The following RELN variants were observed in gnomAD, a reference collection of about 807,000 sequenced individuals.
The protein encoded by RELN is reelin.
A neutral mutation model predicts 427.6 loss-of-function variants in RELN; 108 were observed. That is an observed-to-expected ratio of 0.25 (90% CI 0.22 to 0.30). The LOEUF is 0.30. Ranked by LOEUF, RELN falls within the 10% of genes least tolerant of loss-of-function variation. RELN has a pLI of 1.00. For missense variants in RELN, 3,715 were observed against 4,302.8 expected, an observed-to-expected ratio of 0.86 and a Z score of 3.82; for synonymous variants, 1,524 against 1,513.4, an observed-to-expected ratio of 1.01 and a Z score of -0.16.
At chr7:103,887,037 G>C (rs1325345849) in intron 2 of RELN, among the ~76,000 whole-genome samples, 1 of 152,152 alleles carries the variant, frequency 6.6e-6, no homozygotes, top group Admixed American at 6.5e-5. Flanking sequence ...ACTACTGAGA[G>C]GTCTTTATTA....
Position 103,603,244 on chromosome 7 carries a change from TC to T in RELN, c.3333+59del. ...CACTTCATATTTGTACATTTGGAAT[TC>T]AGAGTCTCATATTAAACTAGCCATT... On this transcript the variant is annotated intron_variant, in intron 24 of 64. Transcript: ENST00000428762. The surrounding 1 kb of genome is among the most constrained non-coding windows in gnomAD (Gnocchi z 4.3). 7.5e-7 allele frequency: 1 copy of T among 1,335,308 alleles called. No individual in the cohort carries two copies. Among genetic ancestry groups the T allele is most frequent in the Non-Finnish European group, 1.1e-6 (1 of 926,098 alleles). 82.7% of individuals were successfully genotyped at this position (1,335,308 alleles called of 1,614,324 possible). A position where few individuals can be genotyped will look rare whatever the true frequency, so the allele number is the denominator to read the frequency against.
At chr7:103,682,336 TAG>T in intron 10 of RELN, 75 bp from the exon 11 acceptor site, 8 of 1,507,030 alleles carry the variant, frequency 5.3e-6, no homozygotes, top group Non-Finnish European at 7.4e-6. Context: ...CATGTATAAT[TAG>T]AGTTTTTAGA....
chr7:103,661,462 A>G lies in RELN; in HGVS notation c.1355T>C (p.Val452Ala), dbSNP rs74854625. Residue 452 changes from valine to alanine, a missense_variant, in exon 12 of 65, where the codon GTC becomes GCC. This residue lies in a region of RELN where 2,208 missense variants were observed against 2,361.7 expected (regional missense o/e 0.93). Transcript: ENST00000428762. ...TTTCCTCTCTCCATCTTTGAGGAAG[A>G]CCATTGATAAGCCTGATTCTATCGT... is the stretch of plus-strand genomic sequence containing the variant. ...CGTIESGLSM[V>A]FLKDGERKLC... 3.1e-6 allele frequency: 5 copies of G among 1,613,538 alleles called. No individual in the cohort carries two copies. The highest frequency in any genetic ancestry group is 1.3e-5 in the African/African-American group (1 of 75,036).
At chr7:103,980,156 G>C (rs554652196) in intron 1 of RELN, among the ~76,000 whole-genome samples, 29 of 144,126 alleles carry the variant, frequency 2.0e-4, no homozygotes, top group African/African-American at 7.2e-4. Context: ...GCGAAACTCT[G>C]TCTCCAAAAA....
intron 3 of RELN, among the ~76,000 whole-genome samples, chr7:103,817,815 C>T (rs1379221619): frequency 2.0e-5 from 3 of 151,220 alleles, no homozygotes; most frequent in African/African-American, 7.3e-5. Flanking sequence ...CGTGGTGGTG[C>T]GTGCCTGTAG....
intron 41 of RELN, among the ~76,000 whole-genome samples, chr7:103,546,240 T>C (rs1464793900): frequency 2.6e-5 from 4 of 152,236 alleles, no homozygotes; most frequent in Non-Finnish European, 4.4e-5. Flanking sequence ...AATGGAAAGA[T>C]AGAATATGTG....
chr7:103,561,145 T>C lies in RELN; in HGVS notation c.5529+387A>G, dbSNP rs138893400. 4.0e-3 allele frequency among the ~76,000 whole-genome samples: 609 copies of C among 152,136 alleles called. 5 individuals are homozygous for C. Among genetic ancestry groups the C allele is most frequent in the African/African-American group, 0.014 (568 of 41,506 alleles). On this transcript the variant is annotated intron_variant, in intron 36 of 64. Coordinates refer to ENST00000428762, the MANE Select transcript of RELN (RefSeq NM_005045.4). ...TTCTTAAAGTCACCAAATGGTTCTA[T>C]TGGCAGAAAAAAAAAGAAAAGGAAA...
At chr7:103,941,758 G>T (rs144654912) in intron 1 of RELN, among the ~76,000 whole-genome samples, 3 of 152,098 alleles carry the variant, frequency 2.0e-5, no homozygotes, top group African/African-American at 7.2e-5. Context: ...GGTAATCAAA[G>T]AGCTGGTGAC....
chr7:103,685,216 G>T (rs1584406132), intron 10 of RELN, among the ~76,000 whole-genome samples: 1 of 152,172 alleles, frequency 6.6e-6, no homozygotes, highest in Admixed American at 6.5e-5. Flanking sequence ...AGTATGAAAA[G>T]AATTTTAAAA....
chr7:103,480,498 G>C (rs1828194886), intron 63 of RELN, among the ~76,000 whole-genome samples: 1 of 152,086 alleles, frequency 6.6e-6, no homozygotes, highest in African/African-American at 2.4e-5. Context: ...ACTTTGAAAG[G>C]GTAGAGTGGT....
intron 11 of RELN, among the ~76,000 whole-genome samples, chr7:103,677,370 C>T (rs1050459923): frequency 3.3e-5 from 5 of 149,420 alleles, no homozygotes; most frequent in Non-Finnish European, 7.4e-5. Context: ...TGTAACAAAC[C>T]TGCACGTTCT....
At position 103,545,080 on chromosome 7, in the gene RELN, A is replaced by AACAATGT. The variant is rs745454190; in HGVS notation, c.6523+43_6523+44insACATTGT. 123 of 1,472,168 alleles carry AACAATGT rather than the reference A, an allele frequency of 8.4e-5. No homozygotes were observed. Among genetic ancestry groups the AACAATGT allele is most frequent in the Non-Finnish European group, 1.1e-4 (118 of 1,052,570 alleles). The allele number at this position is 1,472,168 out of a possible 1,614,324, so 91.2% of individuals were successfully genotyped here. A position where few individuals can be genotyped will look rare whatever the true frequency, so the allele number is the denominator to read the frequency against. On this transcript the variant is annotated intron_variant, in intron 42 of 64. Transcript: ENST00000428762. ...CTACCAAAAATTGTGTTTAACATAT[A>AACAATGT]AGTTCTTTCACAAGACTACATAGAA...
At position 103,852,573 on chromosome 7, in the gene RELN, T is replaced by G. The variant is rs1007536129; in HGVS notation, c.338-18901A>C. Among the ~76,000 whole-genome samples the G allele has an allele frequency of 2.6e-5, 4 of 152,162 alleles. No individual in the cohort carries two copies. The East Asian group carries it at 7.7e-4, about 29-fold the overall frequency. Reference sequence around the variant, plus strand: ...ACTATTACTATATTGCTAAAACTTTTTAGGAGCCCTAAATTTCTATCTATG... The same window carrying G: ...ACTATTACTATATTGCTAAAACTTTGTAGGAGCCCTAAATTTCTATCTATG... On this transcript the variant is annotated intron_variant, in intron 2 of 64. Coordinates refer to ENST00000428762, the MANE Select transcript of RELN (RefSeq NM_005045.4).
intron 48 of RELN, among the ~76,000 whole-genome samples, chr7:103,521,778 C>T (rs1468338192): frequency 6.6e-6 from 1 of 152,104 alleles, no homozygotes; most frequent in African/African-American, 2.4e-5. Context: ...TTTCTGATTC[C>T]TTAGTATAAA....
chr7:103,832,620 G>T (rs985446106), intron 3 of RELN, among the ~76,000 whole-genome samples: 1 of 152,146 alleles, frequency 6.6e-6, no homozygotes, highest in South Asian at 2.1e-4. Flanking sequence ...GTGAATGAGG[G>T]GTAGGGGTTA....
In RELN at chr7:103,724,172, C is replaced by T. The variant is rs79428330; in HGVS notation, c.754-981G>A. Among the ~76,000 whole-genome samples, 8 of 149,238 alleles carry T rather than the reference C, an allele frequency of 5.4e-5. No individual in the cohort carries two copies. In the East Asian group the frequency reaches 1.6e-3, roughly 29 times the overall value. On this transcript the variant is annotated intron_variant, in intron 7 of 64. Coordinates refer to ENST00000428762, the MANE Select transcript of RELN (RefSeq NM_005045.4). ...GCAGTAGGTTGTCTTACTTTTGCTG[C>T]TTTTTTTTTTCGTTGTTTTGTTTTT...
chr7:103,514,758 C>G (rs1186610535), intron 50 of RELN, among the ~76,000 whole-genome samples: 1 of 152,148 alleles, frequency 6.6e-6, no homozygotes, highest in East Asian at 1.9e-4. Flanking sequence ...TGGGACATGA[C>G]CTAAGACATG....
At chr7:103,939,918 TAA>T (rs2116732864) in intron 1 of RELN, among the ~76,000 whole-genome samples, 1 of 152,314 alleles carries the variant, frequency 6.6e-6, no homozygotes, top group African/African-American at 2.4e-5. Context: ...CAATTCTGTT[TAA>T]AAGCATATTT....
intron 11 of RELN, among the ~76,000 whole-genome samples, chr7:103,680,585 C>A (rs1397175341): frequency 1.3e-5 from 2 of 151,844 alleles, no homozygotes; most frequent in African/African-American, 4.8e-5. Context: ...GGTAGAAAGA[C>A]TTCTGTGCAT....
Sources: gnomAD v4.1 joint callset for allele counts (sites outside exome capture counted in the v4.1 genomes callset) on GRCh38, gnomAD v4.1.1 for gene constraint, gnomAD v4.1.1 regional missense constraint, Gnocchi (gnomAD v3.1) non-coding constraint, MANE v1.5 for transcripts, NCBI Gene and HGNC (gene_info 2026-07-23, HGNC 2026-07-21) for gene names.